Variants in DRD2 observed in about 807,000 individuals in gnomAD.
The protein encoded by DRD2 is dopamine receptor D2.
A neutral mutation model predicts 38.0 loss-of-function variants in DRD2; 8 were observed. The ratio of observed to expected loss-of-function variants is 0.21; its 90% CI spans 0.12 to 0.38. DRD2 has a LOEUF of 0.38. Among genes scored for constraint, DRD2 ranks in the 10% least tolerant of loss-of-function variants. The pLI is 1.00. For synonymous variants in DRD2, 230 were observed against 238.6 expected (o/e 0.96, Z 0.33); for missense variants, 403 against 607.7 (o/e 0.66, Z 3.54).
chr11:113,411,039 C>A, intron 7 of DRD2, 119 bp from the exon 8 acceptor site: 1 of 1,111,978 alleles, frequency 9.0e-7, no homozygotes, highest in Admixed American at 2.4e-5. Flanking sequence ...CACAGAAGCA[C>A]TGTAGGAGGA....
At chr11:113,448,369 C>T (rs1424335576) in intron 1 of DRD2, among the ~76,000 whole-genome samples, 2 of 152,152 alleles carry the variant, frequency 1.3e-5, no homozygotes, top group Admixed American at 1.3e-4. Flanking sequence ...TGCACGGTGG[C>T]TGAAAACCAC....
At chr11:113,410,945 T>G in intron 7 of DRD2, 25 bp from the exon 8 acceptor site, 2 of 1,597,372 alleles carry the variant, frequency 1.3e-6, no homozygotes, top group Non-Finnish European at 1.7e-6. Context: ...ATGGTCAGGC[T>G]GGTCCCCAGA....
rs184060585 is a variant in DRD2, at chr11:113,430,640, G to A, written c.-31-5958C>T. On this transcript the variant is annotated intron_variant, in intron 1 of 7. Transcript: ENST00000362072. ...CTGTCTCCGGGCTGCACAGATTGTT[G>A]GGCTCCAAGGGGCATCCCAAAAGAA... Among the ~76,000 whole-genome samples the A allele has an allele frequency of 4.1e-3, 628 of 152,254 alleles. 2 individuals carry two copies. The highest frequency in any genetic ancestry group is 6.8e-3 in the Non-Finnish European group (462 of 68,020).
rs375268477 is a variant in DRD2 at position 113,413,263 on chromosome 11, G to A, written c.811-380C>T. ...CCCTGCCTCCAGAAACTCATGTTCC[G>A]ACTGCAAAGAGGGTGCCCACCCCTG... On this transcript the variant is annotated intron_variant, in intron 6 of 7. Coordinates refer to ENST00000362072, the MANE Select transcript of DRD2 (RefSeq NM_000795.4). 43 of 577,964 alleles carry A rather than the reference G, an allele frequency of 7.4e-5. No individual in the cohort carries two copies. The East Asian group carries it at 1.0e-3, about 14-fold the overall frequency. The allele number at this position is 577,964 out of a possible 1,614,324, so 35.8% of individuals were successfully genotyped here.
chr11:113,459,674 A>C (rs1318310598), intron 1 of DRD2, among the ~76,000 whole-genome samples: 1 of 152,188 alleles, frequency 6.6e-6, no homozygotes, highest in Non-Finnish European at 1.5e-5. Flanking sequence ...TGGTTAATAG[A>C]TACAAAAATT....
intron 2 of DRD2, among the ~76,000 whole-genome samples, chr11:113,419,796 C>A (rs1324561769): frequency 6.6e-6 from 1 of 152,222 alleles, no homozygotes; most frequent in African/African-American, 2.4e-5. Context: ...GGCATCCAAC[C>A]AAATGCTGGC....
chr11:113,444,908 A>G (rs1029862424), intron 1 of DRD2, among the ~76,000 whole-genome samples: 2 of 152,240 alleles, frequency 1.3e-5, no homozygotes, highest in African/African-American at 2.4e-5. Context: ...GTCACACACT[A>G]AACAGATGAA....
chr11:113,461,734 T>C (rs58541804), intron 1 of DRD2, among the ~76,000 whole-genome samples: 2,131 of 152,288 alleles, frequency 0.014, 56 homozygotes, highest in African/African-American at 0.049. Flanking sequence ...ATAGGAGGCA[T>C]TTAATAAATG....
intron 1 of DRD2, chr11:113,447,452 C>T (rs1951162504): frequency 7.2e-6 from 1 of 139,476 alleles, no homozygotes; most frequent in Middle Eastern, 3.7e-3. Flanking sequence ...TGACAGGATT[C>T]AAGGCTTCCA....
intron 1 of DRD2, among the ~76,000 whole-genome samples, chr11:113,461,701 G>T (rs994553179): frequency 4.8e-4 from 73 of 152,294 alleles, no homozygotes; most frequent in Admixed American, 1.3e-3. Context: ...TGAAATTAGA[G>T]CATTAGTCTG....
rs79895393 is a variant in DRD2, at chr11:113,411,047, G to A, written c.1139-127C>T. 1.0e-3 allele frequency: 1,044 copies of A among 1,038,744 alleles called. 7 individuals are homozygous for A. In the African/African-American group the frequency reaches 0.015, roughly 15 times the overall value. The allele number at this position is 1,038,744 out of a possible 1,614,324, so 64.3% of individuals were successfully genotyped here. A position where few individuals can be genotyped will look rare whatever the true frequency, so the allele number is the denominator to read the frequency against. ...CTGTAGCCACAGAAGCACTGTAGGA[G>A]GAGTCCAGGTCTTGGATCCTAGACC... On this transcript the variant is annotated intron_variant, in intron 7 of 7. Coordinates refer to ENST00000362072, the MANE Select transcript of DRD2 (RefSeq NM_000795.4).
intron 1 of DRD2, among the ~76,000 whole-genome samples, chr11:113,452,469 T>TGTGTGTGCGCGC (rs1210531875): frequency 7.6e-5 from 9 of 118,836 alleles, no homozygotes; most frequent in African/African-American, 2.5e-4. Flanking sequence ...TGTGTGTGTG[T>TGTGTGTGCGCGC]GCGCGCGCGC....
At chr11:113,472,909 A>T (rs1368309943) in intron 1 of DRD2, among the ~76,000 whole-genome samples, 1 of 152,214 alleles carries the variant, frequency 6.6e-6, no homozygotes, top group Non-Finnish European at 1.5e-5. Context: ...AGAAAAGCCC[A>T]GGAAGATCCT....
intron 1 of DRD2, among the ~76,000 whole-genome samples, chr11:113,462,820 T>C (rs1951335829): frequency 6.6e-6 from 1 of 152,222 alleles, no homozygotes; most frequent in Non-Finnish European, 1.5e-5. Flanking sequence ...ACTCATTCAC[T>C]CCTTCATCTA....
At chr11:113,472,881 C>T (rs1951443547) in intron 1 of DRD2, among the ~76,000 whole-genome samples, 1 of 151,970 alleles carries the variant, frequency 6.6e-6, no homozygotes, top group Non-Finnish European at 1.5e-5. Flanking sequence ...CTTAAAAGGG[C>T]CAAAAATTTT....
intron 1 of DRD2, among the ~76,000 whole-genome samples, chr11:113,454,532 A>C (rs1951248915): frequency 6.6e-6 from 1 of 152,086 alleles, no homozygotes; most frequent in Non-Finnish European, 1.5e-5. Context: ...CTTGTGTCCC[A>C]GTGGGCTTGA....
At chr11:113,446,092 T>C (rs1329559341) in intron 1 of DRD2, among the ~76,000 whole-genome samples, 1 of 152,162 alleles carries the variant, frequency 6.6e-6, no homozygotes, top group Admixed American at 6.5e-5. Flanking sequence ...CTCAGCGGCA[T>C]GTTTCACTCC....
At position 113,413,242 on chromosome 11, in the gene DRD2, G is replaced by A. The variant is rs78034306; in HGVS notation, c.811-359C>T. The A allele has an allele frequency of 7.2e-3, 4,391 of 608,548 alleles. 89 individuals are homozygous for A. Among genetic ancestry groups the A allele is most frequent in the African/African-American group, 0.042 (2,337 of 55,632 alleles). The allele number at this position is 608,548 out of a possible 1,614,324, so 37.7% of individuals were successfully genotyped here. A position where few individuals can be genotyped will look rare whatever the true frequency, so the allele number is the denominator to read the frequency against. On this transcript the variant is annotated intron_variant, in intron 6 of 7. Coordinates refer to ENST00000362072, the MANE Select transcript of DRD2 (RefSeq NM_000795.4). ...TCAAGAGCTGATGATGTTTGGCCCT[G>A]CCTCCAGAAACTCATGTTCCGACTG...
intron 1 of DRD2, among the ~76,000 whole-genome samples, chr11:113,473,958 G>T (rs751442337): frequency 1.3e-5 from 2 of 152,212 alleles, no homozygotes; most frequent in African/African-American, 2.4e-5. Context: ...GGCCTAAAAG[G>T]TTTGTAGCCT....
Sources: allele counts gnomAD v4.1 joint callset (sites outside exome capture counted in the v4.1 genomes callset), GRCh38; gene constraint gnomAD v4.1.1; transcripts MANE v1.5; gene names NCBI Gene and HGNC (gene_info 2026-07-23, HGNC 2026-07-21).